Variants in GLRA2 observed in about 807,000 individuals in gnomAD.
The protein encoded by GLRA2 is glycine receptor alpha 2, also known as glycine receptor subunit alpha-2.
GLRA2 carries 11 observed loss-of-function variants against 31.6 expected under a neutral mutation model. The observed-to-expected ratio is 0.35, with a 90% CI of 0.22 to 0.58. The LOEUF (loss-of-function observed/expected upper bound fraction) is 0.58, where lower values mean the gene tolerates loss of function less well. GLRA2 is among the 20% of genes least tolerant of loss of function. The pLI is 0.84. For missense variants in GLRA2, 212 were observed against 351.8 expected, an observed-to-expected ratio of 0.60 and a Z score of 3.18; for synonymous variants, 132 against 134.0, an observed-to-expected ratio of 0.99 and a Z score of 0.10.
At chrX:14,650,848 G>A (rs1279928907) in intron 7 of GLRA2, among the ~76,000 whole-genome samples, 2 of 111,684 alleles carry the variant, frequency 1.8e-5, no homozygotes, top group African/African-American at 6.5e-5. Flanking sequence ...TCTGACATGG[G>A]ATTTTATTGT....
chrX:14,581,766 G>GCACACACACACACACA (rs57962541), intron 4 of GLRA2, among the ~76,000 whole-genome samples: 1 of 90,847 alleles, frequency 1.1e-5, no homozygotes, highest in Admixed American at 1.2e-4. Context: ...ATTCAAGCAT[G>GCACACACACACACACA]CACACACACA....
the GLRA2 span, among the ~76,000 whole-genome samples, chrX:14,506,825 T>A: frequency 9.0e-6 from 1 of 111,461 alleles, no homozygotes; most frequent in East Asian, 2.8e-4. Flanking sequence ...CTGGGTGTAA[T>A]CAAACTCTAT....
intron 7 of GLRA2, among the ~76,000 whole-genome samples, chrX:14,619,866 T>A: frequency 9.0e-6 from 1 of 110,735 alleles, no homozygotes; most frequent in Non-Finnish European, 1.9e-5. Flanking sequence ...CACAGTATAT[T>A]CTCAATAAAT....
intron 2 of GLRA2, among the ~76,000 whole-genome samples, chrX:14,545,154 G>A (rs913617233): frequency 8.9e-6 from 1 of 112,047 alleles, no homozygotes; most frequent in Non-Finnish European, 1.9e-5. Flanking sequence ...AATTGTCTTA[G>A]TGCATTTTGT....
intron 8 of GLRA2, among the ~76,000 whole-genome samples, chrX:14,700,693 G>A (rs989708782): frequency 1.8e-5 from 2 of 111,036 alleles, no homozygotes; most frequent in African/African-American, 3.3e-5. Context: ...TGGACAGTGA[G>A]GAAGTGAGGA....
chrX:14,554,422 T>C (rs2089613311), intron 2 of GLRA2, among the ~76,000 whole-genome samples: 1 of 111,476 alleles, frequency 9.0e-6, no homozygotes, highest in African/African-American at 3.3e-5. Flanking sequence ...GCTTAGGTAC[T>C]ATTCGTTGGC....
intron 7 of GLRA2, among the ~76,000 whole-genome samples, chrX:14,686,340 C>G (rs952436463): frequency 9.0e-6 from 1 of 111,596 alleles, no homozygotes; most frequent in African/African-American, 3.3e-5. Flanking sequence ...CTGCTTGGTG[C>G]AGAGCTGAGT....
At chrX:14,572,751 A>AT (rs1402949556) in intron 2 of GLRA2, among the ~76,000 whole-genome samples, 2 of 111,840 alleles carry the variant, frequency 1.8e-5, no homozygotes, top group African/African-American at 6.5e-5. Flanking sequence ...CTACAAATAT[A>AT]TTTTTTAAAA....
chrX:14,689,299 T>C (rs1024195510), intron 7 of GLRA2, among the ~76,000 whole-genome samples: 5 of 112,494 alleles, frequency 4.4e-5, no homozygotes, highest in African/African-American at 1.6e-4. Context: ...AAACTTACAG[T>C]CATAAAATAT....
At chrX:14,564,351 T>G (rs1196160108) in intron 2 of GLRA2, among the ~76,000 whole-genome samples, 1 of 111,001 alleles carries the variant, frequency 9.0e-6, no homozygotes, top group Non-Finnish European at 1.9e-5. Flanking sequence ...ACTGAAAGTT[T>G]ATATCCAGCA....
At chrX:14,556,351 G>A (rs180679389) in intron 2 of GLRA2, among the ~76,000 whole-genome samples, 1 of 111,492 alleles carries the variant, frequency 9.0e-6, no homozygotes, top group East Asian at 2.8e-4. Context: ...GAAAGGATAT[G>A]TCATTTAGGT....
chrX:14,630,263 G>A (rs191424648), intron 7 of GLRA2, among the ~76,000 whole-genome samples: 314 of 111,716 alleles, frequency 2.8e-3, no homozygotes, highest in Admixed American at 4.5e-3. Flanking sequence ...GCTTAAAGAT[G>A]TTTCTCTAAT....
chrX:14,603,410 T>C (rs141073374), intron 4 of GLRA2, among the ~76,000 whole-genome samples: 62 of 111,397 alleles, frequency 5.6e-4, no homozygotes, highest in Middle Eastern at 9.2e-3. Flanking sequence ...CCTTTTGCCA[T>C]GCAAAATAAA....
chrX:14,508,344 CG>C, the GLRA2 span, among the ~76,000 whole-genome samples: 1 of 111,832 alleles, frequency 8.9e-6, no homozygotes, highest in Non-Finnish European at 1.9e-5. Context: ...AGAAAGAAAA[CG>C]TTAAAATTTT....
intron 8 of GLRA2, among the ~76,000 whole-genome samples, chrX:14,716,124 C>T (rs2091781221): frequency 9.0e-6 from 1 of 111,021 alleles, no homozygotes; most frequent in Admixed American, 9.6e-5. Flanking sequence ...GACAATAAAA[C>T]CCTTATTTGC....
intron 4 of GLRA2, among the ~76,000 whole-genome samples, chrX:14,585,294 G>C (rs2090068177): frequency 8.9e-6 from 1 of 111,735 alleles, no homozygotes; most frequent in Admixed American, 9.6e-5. Context: ...TAAGTAAGAT[G>C]TGGTCTTTCC....
chrX:14,616,955 G>A (rs764690160), intron 7 of GLRA2, among the ~76,000 whole-genome samples: 4 of 111,534 alleles, frequency 3.6e-5, no homozygotes, highest in African/African-American at 9.8e-5. Context: ...TTGAAGAGTC[G>A]TTGATGTAGT....
At chrX:14,480,640 T>G in the GLRA2 span, among the ~76,000 whole-genome samples, 1 of 111,639 alleles carries the variant, frequency 9.0e-6, no homozygotes, top group East Asian at 2.8e-4. Flanking sequence ...TGTTTGTTTT[T>G]GTCGACTTTT....
At chrX:14,724,980 C>A (rs779564202) in intron 8 of GLRA2, among the ~76,000 whole-genome samples, 1 of 111,514 alleles carries the variant, frequency 9.0e-6, no homozygotes, top group Admixed American at 9.5e-5. Context: ...TTGATAGGGG[C>A]AAAAACGTAC....
Sources: gnomAD v4.1 joint callset for allele counts (sites outside exome capture counted in the v4.1 genomes callset) on GRCh38, gnomAD v4.1.1 for gene constraint, MANE v1.5 for transcripts, NCBI Gene and HGNC (gene_info 2026-07-23, HGNC 2026-07-21) for gene names.